The following C8orf34 variants were observed in gnomAD, a reference collection of about 807,000 sequenced individuals.
The protein encoded by C8orf34 is chromosome 8 open reading frame 34, also known as uncharacterized protein C8orf34.
C8orf34 carries 65 observed loss-of-function variants against 68.3 expected under a neutral mutation model. The ratio of observed to expected loss-of-function variants is 0.95; its 90% confidence interval spans 0.78 to 1.17. The LOEUF (loss-of-function observed/expected upper bound fraction) is 1.17, where lower values mean the gene tolerates loss of function less well. Ranked by LOEUF, C8orf34 falls within the 50% of genes most tolerant of loss-of-function variation. The probability of loss-of-function intolerance (pLI) is 0.00; values close to 1 mark genes in which losing one functional copy is unlikely to be tolerated. For missense variants in C8orf34, 664 were observed against 655.4 expected, an observed-to-expected ratio of 1.01 and a Z score of -0.14; for synonymous variants, 244 against 241.2, an observed-to-expected ratio of 1.01 and a Z score of -0.11.
At chr8:68,576,859 T>C (rs1486039343) in intron 7 of C8orf34, among the ~76,000 whole-genome samples, 2 of 152,026 alleles carry the variant, frequency 1.3e-5, no homozygotes, top group African/African-American at 4.8e-5. Flanking sequence ...AATTTATTAA[T>C]ATAAAATAGC....
At chr8:68,536,847 G>A (rs1325055581) in intron 7 of C8orf34, among the ~76,000 whole-genome samples, 1 of 151,944 alleles carries the variant, frequency 6.6e-6, no homozygotes, top group Non-Finnish European at 1.5e-5. Context: ...ATTACATTGC[G>A]ACAAGGTGAT....
At chr8:68,599,746 G>C (rs1330088220) in intron 7 of C8orf34, among the ~76,000 whole-genome samples, 1 of 152,026 alleles carries the variant, frequency 6.6e-6, no homozygotes, top group Admixed American at 6.6e-5. Flanking sequence ...ATTTATTAGA[G>C]AGGATGTGAA....
chr8:68,761,375 C>T (rs1385424294), intron 10 of C8orf34, among the ~76,000 whole-genome samples: 2 of 152,182 alleles, frequency 1.3e-5, no homozygotes, highest in South Asian at 4.1e-4. Flanking sequence ...CCTGAAACTT[C>T]CTGCTCCCAC....
chr8:68,743,471 G>A (rs953161658), intron 10 of C8orf34, among the ~76,000 whole-genome samples: 1 of 152,126 alleles, frequency 6.6e-6, no homozygotes, highest in Non-Finnish European at 1.5e-5. Flanking sequence ...ATCTCACTAG[G>A]GAATGCCAGA....
chr8:68,747,586 C>A (rs896971118), intron 10 of C8orf34, among the ~76,000 whole-genome samples: 5 of 151,574 alleles, frequency 3.3e-5, no homozygotes, highest in Non-Finnish European at 7.4e-5. Context: ...TCTTATACAC[C>A]AATAACAGAC....
At chr8:68,523,034 A>T (rs1258215663) in intron 6 of C8orf34, among the ~76,000 whole-genome samples, 1 of 152,180 alleles carries the variant, frequency 6.6e-6, no homozygotes, top group Admixed American at 6.5e-5. Flanking sequence ...GGAAATTCAG[A>T]ATACTCATTA....
chr8:68,763,788 C>T (rs904280542), intron 10 of C8orf34, among the ~76,000 whole-genome samples: 12 of 152,156 alleles, frequency 7.9e-5, no homozygotes, highest in African/African-American at 1.9e-4. Flanking sequence ...TGGAGAGATT[C>T]AGGTACCAAG....
At chr8:68,775,211 C>A (rs1470570251) in intron 10 of C8orf34, among the ~76,000 whole-genome samples, 2 of 151,886 alleles carry the variant, frequency 1.3e-5, no homozygotes, top group Non-Finnish European at 2.9e-5. Context: ...GGTTGTCTTG[C>A]CCTCAATGAG....
At chr8:68,418,760 G>C (rs1341529302) in intron 1 of C8orf34, among the ~76,000 whole-genome samples, 2 of 151,986 alleles carry the variant, frequency 1.3e-5, no homozygotes, top group Non-Finnish European at 2.9e-5. Context: ...AATGGTGCTG[G>C]GAAAACTGGC....
intron 12 of C8orf34, among the ~76,000 whole-genome samples, chr8:68,795,994 G>C (rs1397563139): frequency 2.0e-5 from 3 of 152,144 alleles, no homozygotes. Flanking sequence ...ATAAGTCAAG[G>C]AGTGACAATT....
At chr8:68,361,866 C>A (rs1337349256) in intron 1 of C8orf34, among the ~76,000 whole-genome samples, 7 of 152,168 alleles carry the variant, frequency 4.6e-5, no homozygotes, top group Admixed American at 3.3e-4. Flanking sequence ...GCAGGCTGAA[C>A]CTTTCCATGA....
At chr8:68,440,787 A>G (rs1015410556) in intron 2 of C8orf34, among the ~76,000 whole-genome samples, 3 of 146,494 alleles carry the variant, frequency 2.0e-5, no homozygotes, top group African/African-American at 7.5e-5. Context: ...ATCTGGAGAG[A>G]AAGGAACATA....
intron 8 of C8orf34, among the ~76,000 whole-genome samples, chr8:68,671,115 C>T (rs920321236): frequency 1.3e-5 from 2 of 152,098 alleles, no homozygotes; most frequent in African/African-American, 4.8e-5. Context: ...ACTGCTGGCT[C>T]CATCTCTAAA....
At chr8:68,336,576 A>G (rs1038690649) in intron 1 of C8orf34, among the ~76,000 whole-genome samples, 2 of 152,154 alleles carry the variant, frequency 1.3e-5, no homozygotes, top group Non-Finnish European at 2.9e-5. Flanking sequence ...ATGTAATAGA[A>G]ACAAATATAG....
At chr8:68,597,831 T>A (rs1430856578) in intron 7 of C8orf34, among the ~76,000 whole-genome samples, 2 of 152,118 alleles carry the variant, frequency 1.3e-5, no homozygotes, top group East Asian at 3.9e-4. Context: ...AGCACATATG[T>A]CTTAGTTGTA....
chr8:68,668,555 A>G (rs1012954679), intron 8 of C8orf34, among the ~76,000 whole-genome samples: 10 of 152,168 alleles, frequency 6.6e-5, no homozygotes, highest in Non-Finnish European at 1.0e-4. Flanking sequence ...CCAAGTAACT[A>G]TCTGGTGGAG....
At chr8:68,550,101 C>T (rs781008341) in intron 7 of C8orf34, among the ~76,000 whole-genome samples, 1 of 151,730 alleles carries the variant, frequency 6.6e-6, no homozygotes, top group African/African-American at 2.4e-5. Flanking sequence ...ATTGATGTAA[C>T]TGGATTAATA....
chr8:68,644,658 G>A (rs1220278178), intron 8 of C8orf34, among the ~76,000 whole-genome samples: 2 of 152,180 alleles, frequency 1.3e-5, no homozygotes, highest in Non-Finnish European at 2.9e-5. Context: ...AGGCCAGTGG[G>A]AGAAGGATCC....
At chr8:68,465,590 G>C (rs1300043891) in intron 3 of C8orf34, among the ~76,000 whole-genome samples, 1 of 152,112 alleles carries the variant, frequency 6.6e-6, no homozygotes, top group Non-Finnish European at 1.5e-5. Flanking sequence ...AGAAAATGTG[G>C]CACATACACA....
Sources: gnomAD v4.1 joint callset for allele counts (sites outside exome capture counted in the v4.1 genomes callset) on GRCh38, gnomAD v4.1.1 for gene constraint, MANE v1.5 for transcripts, NCBI Gene and HGNC (gene_info 2026-07-23, HGNC 2026-07-21) for gene names.